SLC26A1: variants seen among roughly 807,000 people sequenced by gnomAD.
SLC26A1 encodes the protein sulfate anion transporter 1.
A neutral mutation model predicts 14.5 loss-of-function variants in SLC26A1; 18 were observed. The ratio of observed to expected loss-of-function variants is 1.24; its 90% CI spans 0.86 to 1.84. The LOEUF (loss-of-function observed/expected upper bound fraction) is 1.84, where lower values mean the gene tolerates loss of function less well. SLC26A1 is among the 40% of genes most tolerant of loss of function. The pLI, the probability that SLC26A1 is intolerant of heterozygous loss-of-function variation, is 0.00. For synonymous variants in SLC26A1, 505 were observed against 492.0 expected (o/e 1.03, Z -0.35); for missense variants, 1,049 against 1,020.0 (o/e 1.03, Z -0.39).
chr4:991,663 G>A lies in SLC26A1; in HGVS notation c.41C>T (p.Pro14Leu), dbSNP rs762547242. The A allele has an allele frequency of 9.1e-6, 14 of 1,543,170 alleles. No homozygotes were observed. Among genetic ancestry groups the A allele is most frequent in the Admixed American group, 5.6e-5 (3 of 53,986 alleles). ...TGGGCGCTGCCGTCGGACCGGCACC[G>A]GCCCTCTGCCCTGCTGCAGAGGCTC... Reference protein sequence around the residue: ...SPEPLQQGRGPVPVRRQRPAP... With the variant: ...SPEPLQQGRGLVPVRRQRPAP... The change falls in exon 2 of 3, where the codon CCG becomes CTG. Residue 14 changes from proline (P) to leucine (L), a missense_variant. Transcript: ENST00000398516.
Position 989,303 on chromosome 4 carries a change from G to T in SLC26A1, c.1636C>A (p.Leu546Met), listed in dbSNP as rs1414130275. The T allele has an allele frequency of 2.5e-6, 4 of 1,612,296 alleles. No homozygotes were observed. The highest frequency in any genetic ancestry group is 3.4e-6 in the Non-Finnish European group (4 of 1,179,720). The change falls in exon 3 of 3, where the codon CTG (leucine) becomes ATG (methionine). Residue 546 changes from leucine (L) to methionine (M), a missense_variant. Coordinates refer to ENST00000398516, the MANE Select transcript of SLC26A1 (RefSeq NM_022042.4). ...GVRVFRFGGP[L>M]YYANKDFFLQ... ...AAGAAGTCCTTGTTGGCATAGTACA[G>T]CGGCCCCCCAAAGCGGAACACCCGC...
At position 991,422 on chromosome 4, in the gene SLC26A1, G is replaced by T. The variant is rs369638599; in HGVS notation, c.282C>A (p.Ala94=). 24 of 1,612,716 alleles carry T rather than the reference G, an allele frequency of 1.5e-5. No individual in the cohort carries two copies. Among genetic ancestry groups the T allele is most frequent in the Non-Finnish European group, 1.9e-5 (23 of 1,179,966 alleles). Residue 94 remains alanine (A), a synonymous_variant, in exon 2 of 3, where the codon GCC becomes GCA. Coordinates refer to ENST00000398516, the MANE Select transcript of SLC26A1 (RefSeq NM_022042.4). ...VPQAIAYSLL[A]GLQPIYSLYT... ...AGAGGCTGTAGATGGGCTGCAGCCC[G>T]GCCAGCAATGAGTAGGCGATGGCCT...
chr4:989,331 G>A lies in SLC26A1; in HGVS notation c.1608C>T (p.Gly536=), dbSNP rs1169835922. ...TEFEGLVPEP[G]VRVFRFGGPL... ...GCCCCCCAAAGCGGAACACCCGCAC[G>A]CCGGGCTCAGGGACGAGGCCCTCGA... Residue 536 remains glycine (G), a synonymous_variant, in exon 3 of 3, where the codon GGC becomes GGT. Transcript: ENST00000398516. The A allele has an allele frequency of 6.8e-6, 11 of 1,607,376 alleles. No homozygotes were observed. Among genetic ancestry groups the A allele is most frequent in the African/African-American group, 2.7e-5 (2 of 74,786 alleles).
In SLC26A1 at chr4:988,347, C is replaced by T. The variant is rs576223950; in HGVS notation, c.*486G>A. 1.7e-5 allele frequency: 18 copies of T among 1,085,194 alleles called. No individual in the cohort carries two copies. The highest frequency in any genetic ancestry group is 7.1e-5 in the East Asian group (1 of 13,992). 67.2% of individuals were successfully genotyped at this position (1,085,194 alleles called of 1,614,324 possible). On this transcript the variant is annotated 3_prime_UTR_variant, in exon 3 of 3. Coordinates refer to ENST00000398516, the MANE Select transcript of SLC26A1 (RefSeq NM_022042.4). The stretch of plus-strand genomic sequence containing the variant: ...GTGGCCACCCTGTGAGGGGGAGGCA[C>T]GAGGTGTGAGGGGCACTTGGGTGTG...
At chr4:991,936 G>T (rs761106154) in intron 1 of SLC26A1, 2 of 927,128 alleles carry the variant, frequency 2.2e-6, no homozygotes, top group South Asian at 2.8e-5. Context: ...AGAATCCATC[G>T]TGAGGTGAGA....
At chr4:990,389 C>G in intron 2 of SLC26A1, 27 bp from the exon 3 acceptor site, 3 of 1,553,000 alleles carry the variant, frequency 1.9e-6, no homozygotes, top group Non-Finnish European at 2.6e-6. Flanking sequence ...GTCAGGCCAG[C>G]AGGCGCCTGG....
intron 1 of SLC26A1, chr4:992,006 C>T (rs1398143792): frequency 1.4e-5 from 9 of 642,628 alleles, no homozygotes; most frequent in Non-Finnish European, 2.0e-5. Flanking sequence ...TGCTGAGGGG[C>T]GGCGTGGCGG....
chr4:989,090 C>T lies in SLC26A1; in HGVS notation c.1849G>A (p.Ala617Thr), dbSNP rs542658522. 4.3e-5 allele frequency: 68 copies of T among 1,599,178 alleles called. No homozygotes were observed. The highest frequency in any genetic ancestry group is 5.2e-5 in the Non-Finnish European group (61 of 1,173,446). The change falls in exon 3 of 3, where the codon GCC (alanine) becomes ACC (threonine). Residue 617 changes from alanine (A) to threonine (T), a missense_variant. Transcript: ENST00000398516. ...GCTGCGTCTAGGAACAGCAGCGGGG[C>T]GCAGTCGATGACCACTGTGTGGAAG... ...AGFHTVVIDC[A>T]PLLFLDAAGV...
In SLC26A1 at chr4:987,840, TAC is replaced by T. The variant is rs794727240; in HGVS notation, c.*991_*992del. ...GCTGCCACACAGCCAGGCTGACCAGTACGTCCTCAGCTGGGACCAGCAGCTCA... is the reference window on the plus strand; with the variant it reads ...GCTGCCACACAGCCAGGCTGACCAGTGTCCTCAGCTGGGACCAGCAGCTCA... On this transcript the variant is annotated 3_prime_UTR_variant, in exon 3 of 3. Transcript: ENST00000398516. The T allele has an allele frequency of 1.2e-6, 2 of 1,612,382 alleles. No individual in the cohort carries two copies. Among genetic ancestry groups the T allele is most frequent in the African/African-American group, 2.7e-5 (2 of 74,926 alleles).
At chr4:987,046 T>A, downstream of SLC26A1, 2 of 1,512,960 alleles carry the variant, frequency 1.3e-6, no homozygotes, top group Non-Finnish European at 1.8e-6. Flanking sequence ...GAACCGGCAG[T>A]GCAGCCCGAA....
downstream of SLC26A1, chr4:986,868 C>T (rs530203097): frequency 1.5e-6 from 1 of 654,208 alleles, no homozygotes; most frequent in Admixed American, 2.1e-5. Flanking sequence ...TCAGAGCAGC[C>T]CCTGAGGCCC....
Position 989,913 on chromosome 4 carries a change from A to C in SLC26A1, c.1026T>G (p.Ala342=), listed in dbSNP as rs1393236074. 6.4e-7 allele frequency: 1 copy of C among 1,562,114 alleles called. No homozygotes were observed. Among genetic ancestry groups the C allele is most frequent in the Non-Finnish European group, 8.7e-7 (1 of 1,154,088 alleles). ...CGAGGGCCAGGGCCACGGCATCCAA[A>C]GCCACACGCTGCATCAGCCTGGGCT... ...VPEPRLMQRV[A]LDAVALALVA... Residue 342 remains alanine, a synonymous_variant, in exon 3 of 3, where the codon GCT becomes GCG. Coordinates refer to ENST00000398516, the MANE Select transcript of SLC26A1 (RefSeq NM_022042.4).
At chr4:983,302 G>T (rs1234904212), downstream of SLC26A1, among the ~76,000 whole-genome samples, 1 of 152,210 alleles carries the variant, frequency 6.6e-6, no homozygotes. Flanking sequence ...TCCCAGGCAG[G>T]TCGTAGAAAC....
Position 981,315 on chromosome 4 carries a change from G to A in SLC26A1, c.577-1811C>T, listed in dbSNP as rs570802189. 8.5e-5 allele frequency among the ~76,000 whole-genome samples: 13 copies of A among 152,194 alleles called. No individual in the cohort carries two copies. The East Asian group carries it at 2.1e-3, about 25-fold the overall frequency. ...CATATTCCTCGTTTCCAAATTTTAC[G>A]TCCAAATAAAAACCAGCCAGGCGTG... On this transcript the variant is annotated intron_variant, in intron 2 of 2. Coordinates refer to the SLC26A1 transcript ENST00000398520.
rs1713873324 is a variant in SLC26A1, at chr4:987,947, C to G, written c.*886G>C. The stretch of plus-strand genomic sequence containing the variant: ...ACTGGCTGCTGGAGCTTGTCACCAC[C>G]AGGTGGGCGGCGGGCAGGGTCTGGG... On this transcript the variant is annotated 3_prime_UTR_variant, in exon 3 of 3. Transcript: ENST00000398516. The G allele has an allele frequency of 2.5e-6, 4 of 1,575,726 alleles. No homozygotes were observed. The highest frequency in any genetic ancestry group is 3.4e-6 in the Non-Finnish European group (4 of 1,160,870).
chr4:992,274 C>G (rs1337071301), intron 1 of SLC26A1: 1 of 446,008 alleles, frequency 2.2e-6, no homozygotes, highest in East Asian at 7.1e-5. Flanking sequence ...CACACCAGAG[C>G]CCTCCCTCCC....
chr4:981,577 G>A (rs1015380292), intron 2 of SLC26A1, among the ~76,000 whole-genome samples: 6 of 152,196 alleles, frequency 3.9e-5, no homozygotes, highest in African/African-American at 1.4e-4. Context: ...GGTCGAGGCT[G>A]TAGTGAGCCG....
At position 989,023 on chromosome 4, in the gene SLC26A1, G is replaced by T. The variant is rs1713979951; in HGVS notation, c.1916C>A (p.Ala639Asp). The change falls in exon 3 of 3, where the codon GCC becomes GAC. Residue 639 changes from alanine (A) to aspartate (D), a missense_variant. Physicochemically the swap from Ala to Asp is moderately radical, Grantham distance 126. Transcript: ENST00000398516. ...TLQDLRRDYG[A>D]LGISLLLACC... ...GGCTAGCAGCAGGCTGATGCCCAGG[G>T]CCCCGTAGTCTCGGCGCAGGTCCTG... 6.3e-7 allele frequency: 1 copy of T among 1,585,946 alleles called. No individual in the cohort carries two copies.
chr4:992,452 A>G (rs1347365896), intron 1 of SLC26A1, among the ~76,000 whole-genome samples: 1 of 152,198 alleles, frequency 6.6e-6, no homozygotes, highest in Non-Finnish European at 1.5e-5. Flanking sequence ...GCACTCAGAC[A>G]CTAGCCTAGC....
Sources: allele counts gnomAD v4.1 joint callset (sites outside exome capture counted in the v4.1 genomes callset), GRCh38; gene constraint gnomAD v4.1.1; transcripts MANE v1.5; gene names NCBI Gene and HGNC (gene_info 2026-07-23, HGNC 2026-07-21).